Variants in PPP4R3B observed in about 807,000 individuals in gnomAD.
The protein encoded by PPP4R3B is serine/threonine-protein phosphatase 4 regulatory subunit 3B.
PPP4R3B carries 52 observed loss-of-function variants against 95.4 expected under a neutral mutation model. That is an observed-to-expected ratio of 0.54 (90% CI 0.44 to 0.69). The LOEUF (loss-of-function observed/expected upper bound fraction) is 0.69, where lower values mean the gene tolerates loss of function less well. Ranked by LOEUF, PPP4R3B falls within the 30% of genes least tolerant of loss-of-function variation. The pLI is 0.00. For missense variants in PPP4R3B, 1,003 were observed against 1,005.9 expected (o/e 1.00, Z 0.04); for synonymous variants, 407 against 343.9 (o/e 1.18, Z -2.03).
intron 15 of PPP4R3B, among the ~76,000 whole-genome samples, chr2:55,559,708 G>T (rs1293418038): frequency 6.6e-6 from 1 of 152,150 alleles, no homozygotes; most frequent in Non-Finnish European, 1.5e-5. Context: ...CAGCTATGTG[G>T]AATTTTAAGT....
At position 55,617,490 on chromosome 2, in the gene PPP4R3B, A is replaced by C; in HGVS notation, c.-205T>G. ...GGCCTCTCCGCCCGGAGGCCCCGTT[A>C]CCTCTCACTTCACCCGCGCATACAC... On this transcript the variant is annotated 5_prime_UTR_variant, in exon 1 of 17. Coordinates refer to ENST00000616407, the MANE Select transcript of PPP4R3B (RefSeq NM_001122964.3). 3 of 494,678 alleles carry C rather than the reference A, an allele frequency of 6.1e-6. No individual in the cohort carries two copies. Among genetic ancestry groups the C allele is most frequent in the Non-Finnish European group, 1.0e-5 (3 of 293,370 alleles). 30.6% of individuals were successfully genotyped at this position (494,678 alleles called of 1,614,324 possible).
At chr2:55,604,419 C>T (rs1478641201) in intron 2 of PPP4R3B, among the ~76,000 whole-genome samples, 1 of 152,116 alleles carries the variant, frequency 6.6e-6, no homozygotes, top group South Asian at 2.1e-4. Context: ...TCCAGAAAAT[C>T]AGCTGTCCCA....
At chr2:55,612,423 C>T (rs764583170) in intron 2 of PPP4R3B, among the ~76,000 whole-genome samples, 22 of 152,066 alleles carry the variant, frequency 1.4e-4, no homozygotes, top group Non-Finnish European at 2.6e-4. Flanking sequence ...CTTCAAATAA[C>T]TACAAATTAA....
At chr2:55,572,733 G>C (rs906239939) in intron 12 of PPP4R3B, among the ~76,000 whole-genome samples, 1 of 152,118 alleles carries the variant, frequency 6.6e-6, no homozygotes, top group Non-Finnish European at 1.5e-5. Context: ...AAATAAATCA[G>C]TACTTAAAAG....
In PPP4R3B at chr2:55,598,948, T is replaced by C. The variant is rs775787606; in HGVS notation, c.389A>G (p.His130Arg). Reference protein sequence around the residue: ...ERFEEMPETSHLIDLPTCELN... With the variant: ...ERFEEMPETSRLIDLPTCELN... ...TTCACATGTGGGCAGGTCAATCAGA[T>C]GACTAGTTTCAGGCATTTCTTCAAA... Residue 130 changes from histidine to arginine, a missense_variant, in exon 4 of 17, where the codon CAT (histidine) becomes CGT (arginine). By Grantham distance (29) the His-to-Arg change is conservative (BLOSUM62 0). Transcript: ENST00000616407. The C allele has an allele frequency of 1.9e-6, 3 of 1,614,238 alleles. No homozygotes were observed. Among genetic ancestry groups the C allele is most frequent in the Non-Finnish European group, 1.7e-6 (2 of 1,180,048 alleles).
intron 1 of PPP4R3B, among the ~76,000 whole-genome samples, chr2:55,616,229 G>A (rs1000042525): frequency 4.6e-5 from 7 of 152,052 alleles, no homozygotes; most frequent in Non-Finnish European, 1.0e-4. Flanking sequence ...CATCATGACA[G>A]GGATTAAATA....
chr2:55,578,288 T>G lies in PPP4R3B; in HGVS notation c.1523A>C (p.His508Pro). 2 of 1,482,686 alleles carry G rather than the reference T, an allele frequency of 1.3e-6. No homozygotes were observed. The highest frequency in any genetic ancestry group is 1.8e-6 in the Non-Finnish European group (2 of 1,114,644). The allele number at this position is 1,482,686 out of a possible 1,614,324, so 91.8% of individuals were successfully genotyped here. ...AGAGGGGGTAGAATGGGAATGGGAA[T>G]GTGAAGGGGTACATATGAAACTCCA... ...YSWSFICTPS[H>P]SHSHSTPSSS... The change falls in exon 10 of 17, where the codon CAT becomes CCT. Residue 508 changes from histidine to proline, a missense_variant. By Grantham distance (77) the His-to-Pro change is moderately conservative. Around this residue, in one of 3 missense-constraint regions of PPP4R3B, gnomAD observed 695 missense variants for 686.2 expected, o/e 1.01. Transcript: ENST00000616407.
rs538850271 is a variant in PPP4R3B, at chr2:55,560,915, G to C, written c.2261-1947C>G. ...AAAAGGGAGCAGAGCATAAAGTTTG[G>C]AAAACTTGCAGCCTGACCATGCAGT... On this transcript the variant is annotated intron_variant, in intron 15 of 16. Coordinates refer to ENST00000616407, the MANE Select transcript of PPP4R3B (RefSeq NM_001122964.3). 3.9e-5 allele frequency among the ~76,000 whole-genome samples: 6 copies of C among 151,950 alleles called. No individual in the cohort carries two copies. The South Asian group carries it at 1.2e-3, about 32-fold the overall frequency.
intron 2 of PPP4R3B, among the ~76,000 whole-genome samples, chr2:55,609,067 T>C (rs953457148): frequency 2.0e-5 from 3 of 152,190 alleles, no homozygotes; most frequent in Non-Finnish European, 2.9e-5. Flanking sequence ...TGAATGAATA[T>C]ATGTGGTCAG....
chr2:55,583,722 T>C (rs542772711), intron 7 of PPP4R3B, among the ~76,000 whole-genome samples: 1 of 152,312 alleles, frequency 6.6e-6, no homozygotes, highest in South Asian at 2.1e-4. Flanking sequence ...TCATTTGACA[T>C]TGCAGCATTA....
chr2:55,561,642 G>A (rs1434255781), intron 15 of PPP4R3B, among the ~76,000 whole-genome samples: 1 of 152,248 alleles, frequency 6.6e-6, no homozygotes, highest in Non-Finnish European at 1.5e-5. Flanking sequence ...GTGAAACATG[G>A]AGTCAAAGGA....
rs1006066366 is a variant in PPP4R3B at position 55,578,138 on chromosome 2, A to G, written c.1564+109T>C. The G allele has an allele frequency of 7.3e-6, 8 of 1,103,262 alleles. No homozygotes were observed. In the African/African-American group the frequency reaches 1.3e-4, roughly 18 times the overall value. 68.3% of individuals were successfully genotyped at this position (1,103,262 alleles called of 1,614,324 possible). A position where few individuals can be genotyped will look rare whatever the true frequency, so the allele number is the denominator to read the frequency against. On this transcript the variant is annotated intron_variant, in intron 10 of 16. Transcript: ENST00000616407. ...AAAAATATGCAGAATAATATGTATG[A>G]CAGACATTAAATTTATAGCAACTTT... is the stretch of plus-strand genomic sequence containing the variant.
chr2:55,564,585 A>G, intron 14 of PPP4R3B, 88 bp from the exon 15 acceptor site: 2 of 1,168,770 alleles, frequency 1.7e-6, no homozygotes, highest in South Asian at 3.3e-5. Flanking sequence ...AACCAAGATG[A>G]ACTGAAGTAA....
Position 55,617,421 on chromosome 2 carries a change from G to T in PPP4R3B, c.-136C>A. 1 of 1,061,908 alleles carries T rather than the reference G, an allele frequency of 9.4e-7. No homozygotes were observed. The highest frequency in any genetic ancestry group is 1.3e-6 in the Non-Finnish European group (1 of 790,494). The allele number at this position is 1,061,908 out of a possible 1,614,324, so 65.8% of individuals were successfully genotyped here. ...TTCGGAGAGGCCCGAATTCACCATG[G>T]CTCCAAAGGTTCAGCCGCGAGAAGG... On this transcript the variant is annotated 5_prime_UTR_variant, in exon 1 of 17. Coordinates refer to ENST00000616407, the MANE Select transcript of PPP4R3B (RefSeq NM_001122964.3).
At chr2:55,575,199 C>A (rs1418626065) in intron 11 of PPP4R3B, among the ~76,000 whole-genome samples, 2 of 152,114 alleles carry the variant, frequency 1.3e-5, no homozygotes, top group African/African-American at 4.8e-5. Flanking sequence ...CTCGGCCTCC[C>A]AAAGTGCTGG....
rs1247799310 is a variant in PPP4R3B, at chr2:55,577,361, T to TA, written c.1565-6dup. ...TGTTTGATCCAACTATATTATCTAA[T>TA]AAAAAAATTAAAAATTAAAATAAAA... On this transcript the variant is annotated splice_region_variant and splice_polypyrimidine_tract_variant and intron_variant, in intron 10 of 16. Coordinates refer to ENST00000616407, the MANE Select transcript of PPP4R3B (RefSeq NM_001122964.3). 6 of 1,472,344 alleles carry TA rather than the reference T, an allele frequency of 4.1e-6. No homozygotes were observed. The South Asian group carries it at 5.8e-5, about 14-fold the overall frequency. The allele number at this position is 1,472,344 out of a possible 1,614,324, so 91.2% of individuals were successfully genotyped here.
At chr2:55,585,279 T>C (rs1689990751) in intron 6 of PPP4R3B, 112 bp from the exon 7 acceptor site, 2 of 650,306 alleles carry the variant, frequency 3.1e-6, no homozygotes, top group Non-Finnish European at 5.1e-6. Context: ...GATTAAGATG[T>C]TTTACTGCAA....
intron 16 of PPP4R3B, among the ~76,000 whole-genome samples, chr2:55,558,102 C>T (rs1490969972): frequency 6.6e-6 from 1 of 152,080 alleles, no homozygotes; most frequent in Non-Finnish European, 1.5e-5. Context: ...ATAATTATAG[C>T]ACTGGCAAAG....
At chr2:55,584,496 C>T (rs955542063) in intron 7 of PPP4R3B, among the ~76,000 whole-genome samples, 4 of 152,116 alleles carry the variant, frequency 2.6e-5, no homozygotes, top group African/African-American at 9.7e-5. Flanking sequence ...TCCTTCACCC[C>T]CTTCCCACCC....
Sources: allele counts gnomAD v4.1 joint callset (sites outside exome capture counted in the v4.1 genomes callset), GRCh38; gene constraint gnomAD v4.1.1; regional missense constraint gnomAD v4.1.1; transcripts MANE v1.5; gene names NCBI Gene and HGNC (gene_info 2026-07-23, HGNC 2026-07-21).